Variants in PPARGC1A observed in about 807,000 individuals in gnomAD.
PPARGC1A encodes peroxisome proliferator-activated receptor gamma coactivator 1-alpha.
A neutral mutation model predicts 88.7 loss-of-function variants in PPARGC1A; 25 were observed. The observed-to-expected ratio is 0.28, with a 90% confidence interval of 0.21 to 0.39. The LOEUF (loss-of-function observed/expected upper bound fraction) is 0.39, where lower values mean the gene tolerates loss of function less well. Ranked by LOEUF, PPARGC1A falls within the 10% of genes least tolerant of loss-of-function variation. The pLI is 1.00. For missense variants in PPARGC1A, 880 were observed against 968.7 expected, an observed-to-expected ratio of 0.91 and a Z score of 1.22; for synonymous variants, 363 against 355.6, an observed-to-expected ratio of 1.02 and a Z score of -0.24.
chr4:23,918,243 G>A, the PPARGC1A span, among the ~76,000 whole-genome samples: 6 of 151,554 alleles, frequency 4.0e-5, no homozygotes, highest in Non-Finnish European at 7.4e-5. Context: ...TTTTTGGGGG[G>A]ATGGAGTCTC....
the PPARGC1A span, among the ~76,000 whole-genome samples, chr4:24,060,647 A>T: frequency 6.6e-6 from 1 of 152,198 alleles, no homozygotes; most frequent in Non-Finnish European, 1.5e-5. Context: ...ATTTGAAGGG[A>T]GTGCTTTCTT....
chr4:23,840,799 G>A (rs1476561862), intron 2 of PPARGC1A, among the ~76,000 whole-genome samples: 1 of 152,050 alleles, frequency 6.6e-6, no homozygotes, highest in African/African-American at 2.4e-5. Context: ...TTTTGTTGTT[G>A]TTGTTGTTAT....
rs182053830 is a variant in PPARGC1A at position 23,807,687 on chromosome 4, A to G, written c.2019+5060T>C. 3.9e-4 allele frequency among the ~76,000 whole-genome samples: 59 copies of G among 152,168 alleles called. No individual in the cohort carries two copies. In the East Asian group the frequency reaches 0.01, roughly 26 times the overall value. On this transcript the variant is annotated intron_variant, in intron 10 of 12. Coordinates refer to ENST00000264867, the MANE Select transcript of PPARGC1A (RefSeq NM_013261.5). ...ATACCATCATCACAATCATGGTACTATATGTATCCATCACCTCCAAAATTT... is the reference window on the plus strand; with the variant it reads ...ATACCATCATCACAATCATGGTACTGTATGTATCCATCACCTCCAAAATTT...
chr4:24,147,217 G>A, the PPARGC1A span, among the ~76,000 whole-genome samples: 1 of 152,184 alleles, frequency 6.6e-6, no homozygotes, highest in Non-Finnish European at 1.5e-5. Context: ...AGTAAACTGG[G>A]CAGAGGTCTG....
the PPARGC1A span, among the ~76,000 whole-genome samples, chr4:24,437,616 T>TTG: frequency 6.6e-6 from 1 of 151,888 alleles, no homozygotes; most frequent in Admixed American, 6.6e-5. Flanking sequence ...GTTGTTGTTG[T>TTG]TGTTGTTGTT....
chr4:24,298,611 C>T, the PPARGC1A span, among the ~76,000 whole-genome samples: 3 of 152,142 alleles, frequency 2.0e-5, no homozygotes, highest in Non-Finnish European at 2.9e-5. Flanking sequence ...CTAACAGGTT[C>T]GTTCATTTCA....
the PPARGC1A span, among the ~76,000 whole-genome samples, chr4:24,375,627 C>T: frequency 5.3e-5 from 8 of 151,922 alleles, no homozygotes; most frequent in South Asian, 2.1e-4. Context: ...ACAAGGCAGA[C>T]GATAGAGCTT....
At chr4:24,345,089 T>A in the PPARGC1A span, among the ~76,000 whole-genome samples, 3 of 152,098 alleles carry the variant, frequency 2.0e-5, no homozygotes, top group Non-Finnish European at 4.4e-5. Context: ...ATTTCTGGGT[T>A]CTCCATTCTG....
chr4:24,433,790 A>G, the PPARGC1A span, among the ~76,000 whole-genome samples: 1 of 152,142 alleles, frequency 6.6e-6, no homozygotes, highest in African/African-American at 2.4e-5. Flanking sequence ...TCCTGAGCAC[A>G]TGTTCTGTTC....
upstream of PPARGC1A, among the ~76,000 whole-genome samples, chr4:23,901,369 C>CAAAAAA (rs766239228): frequency 1.4e-5 from 1 of 71,718 alleles, no homozygotes; most frequent in Non-Finnish European, 2.6e-5. Flanking sequence ...GACTCCGTCT[C>CAAAAAA]AAAAAAAAAA....
chr4:24,045,386 C>T, the PPARGC1A span, among the ~76,000 whole-genome samples: 3 of 152,084 alleles, frequency 2.0e-5, no homozygotes, highest in Admixed American at 6.6e-5. Flanking sequence ...TCCCTAGGGG[C>T]GCTATTACAA....
At chr4:24,301,099 T>A in the PPARGC1A span, among the ~76,000 whole-genome samples, 1 of 152,122 alleles carries the variant, frequency 6.6e-6, no homozygotes, top group African/African-American at 2.4e-5. Flanking sequence ...GCTACCAAAT[T>A]CAGCATGTAT....
chr4:24,470,398 G>T, the PPARGC1A span, among the ~76,000 whole-genome samples: 1 of 151,826 alleles, frequency 6.6e-6, no homozygotes, highest in African/African-American at 2.4e-5. This position sits in a 1 kb window ranked among gnomAD's most constrained non-coding sequence, Gnocchi z 5.8. Flanking sequence ...GTGGTCGTTG[G>T]CTCTCGGCAA....
At chr4:24,096,429 G>C in the PPARGC1A span, among the ~76,000 whole-genome samples, 23 of 152,130 alleles carry the variant, frequency 1.5e-4, no homozygotes, top group Non-Finnish European at 3.2e-4. Context: ...CATGATCTTG[G>C]ACTTCCAGCC....
At chr4:24,115,496 CA>C in the PPARGC1A span, among the ~76,000 whole-genome samples, 1 of 152,088 alleles carries the variant, frequency 6.6e-6, no homozygotes. Context: ...CAAAAACAGA[CA>C]TCTCAATTTC....
chr4:24,145,725 A>T, the PPARGC1A span, among the ~76,000 whole-genome samples: 1 of 152,218 alleles, frequency 6.6e-6, no homozygotes, highest in African/African-American at 2.4e-5. Flanking sequence ...AGACAGCTAG[A>T]GACAGCAGGA....
the PPARGC1A span, among the ~76,000 whole-genome samples, chr4:23,973,490 G>C: frequency 6.6e-6 from 1 of 152,242 alleles, no homozygotes; most frequent in Admixed American, 6.5e-5. Flanking sequence ...CTTAAAGAGA[G>C]AGAGAGAGGA....
the PPARGC1A span, among the ~76,000 whole-genome samples, chr4:24,468,581 T>C: frequency 2.0e-5 from 3 of 152,214 alleles, no homozygotes; most frequent in South Asian, 6.2e-4. Context: ...CATTGGGCTC[T>C]CTCCAAAAAA....
the PPARGC1A span, among the ~76,000 whole-genome samples, chr4:23,919,824 G>C: frequency 1.3e-5 from 2 of 152,294 alleles, no homozygotes; most frequent in Admixed American, 6.5e-5. Flanking sequence ...CAGATAGAGA[G>C]CAGGTAGAGG....
Sources: allele counts gnomAD v4.1 joint callset (sites outside exome capture counted in the v4.1 genomes callset), GRCh38; gene constraint gnomAD v4.1.1; non-coding constraint Gnocchi (gnomAD v3.1); transcripts MANE v1.5; gene names NCBI Gene and HGNC (gene_info 2026-07-23, HGNC 2026-07-21).